The following HBS1L variants were observed in gnomAD, a reference collection of about 807,000 sequenced individuals.
HBS1L encodes the protein HBS1 like translational GTPase.
In HBS1L, 55 loss-of-function variants were observed where a neutral mutation model predicts 88.9. The observed-to-expected ratio is 0.62, with a 90% confidence interval of 0.50 to 0.77. HBS1L has a LOEUF of 0.77. Among genes scored for constraint, HBS1L ranks in the 30% least tolerant of loss-of-function variants. HBS1L has a pLI of 0.00. For missense variants in HBS1L, 741 were observed against 829.3 expected (o/e 0.89, Z 1.31); for synonymous variants, 267 against 288.5 (o/e 0.93, Z 0.76).
chr6:135,016,572 T>C (rs1775928110), intron 4 of HBS1L, among the ~76,000 whole-genome samples: 1 of 152,202 alleles, frequency 6.6e-6, no homozygotes, highest in Admixed American at 6.5e-5. Flanking sequence ...CTATCAACTT[T>C]AAGTCACACA....
chr6:134,973,815 G>A (rs2114755629), intron 15 of HBS1L, among the ~76,000 whole-genome samples: 1 of 150,594 alleles, frequency 6.6e-6, no homozygotes, highest in South Asian at 2.1e-4. Context: ...TAGCCTGGAT[G>A]CCAAAGCGAG....
intron 15 of HBS1L, among the ~76,000 whole-genome samples, chr6:134,972,638 C>T (rs1774522509): frequency 6.6e-6 from 1 of 152,006 alleles, no homozygotes; most frequent in Non-Finnish European, 1.5e-5. Context: ...AAGGACACTA[C>T]CAAGAAAATG....
chr6:135,004,548 G>A (rs906635631), intron 4 of HBS1L, among the ~76,000 whole-genome samples: 3 of 152,118 alleles, frequency 2.0e-5, no homozygotes, highest in African/African-American at 7.2e-5. Flanking sequence ...GGAGAGATGG[G>A]CAGGGCCAGA....
At chr6:135,027,678 G>T (rs553926049) in intron 4 of HBS1L, among the ~76,000 whole-genome samples, 2 of 152,068 alleles carry the variant, frequency 1.3e-5, no homozygotes, top group Non-Finnish European at 2.9e-5. Context: ...AATTTACATG[G>T]CAAAATGTTA....
chr6:135,054,777 G>A lies in HBS1L; in HGVS notation c.-86C>T, dbSNP rs1376605097. 7.3e-6 allele frequency: 11 copies of A among 1,516,328 alleles called. No homozygotes were observed. Among genetic ancestry groups the A allele is most frequent in the Non-Finnish European group, 9.1e-6 (10 of 1,102,664 alleles). The allele number at this position is 1,516,328 out of a possible 1,614,324, so 93.9% of individuals were successfully genotyped here. A position where few individuals can be genotyped will look rare whatever the true frequency, so the allele number is the denominator to read the frequency against. On this transcript the variant is annotated 5_prime_UTR_variant, in exon 1 of 18. Coordinates refer to ENST00000367837, the MANE Select transcript of HBS1L (RefSeq NM_006620.4). ...ACTGATAAGGCGCCAACTGCAGCCTGGAGAACCCCTATGCGCCATCTTGGC... is the reference window on the plus strand; with the variant it reads ...ACTGATAAGGCGCCAACTGCAGCCTAGAGAACCCCTATGCGCCATCTTGGC...
At chr6:135,027,082 T>C (rs1186847405) in intron 4 of HBS1L, 1 of 148,542 alleles carries the variant, frequency 6.7e-6, no homozygotes, top group African/African-American at 2.5e-5. Context: ...ATCCCAGATA[T>C]TCGGGAGACT....
chr6:135,032,682 T>C (rs1776421816), intron 4 of HBS1L, among the ~76,000 whole-genome samples: 1 of 152,188 alleles, frequency 6.6e-6, no homozygotes, highest in African/African-American at 2.4e-5. Context: ...TGAGAACTCA[T>C]TATTCTTCTC....
intron 1 of HBS1L, among the ~76,000 whole-genome samples, chr6:135,053,476 ATC>A (rs1294783999): frequency 6.6e-6 from 1 of 152,184 alleles, no homozygotes; most frequent in Non-Finnish European, 1.5e-5. Context: ...ATTTGCAAAA[ATC>A]TCTCTCAATC....
At chr6:135,048,658 T>G (rs1024758739) in intron 2 of HBS1L, among the ~76,000 whole-genome samples, 12 of 152,242 alleles carry the variant, frequency 7.9e-5, no homozygotes, top group Non-Finnish European at 1.8e-4. Flanking sequence ...ACTACCTTCT[T>G]GATATCCTGG....
chr6:134,998,342 T>G (rs1324041376), intron 5 of HBS1L, among the ~76,000 whole-genome samples: 1 of 152,250 alleles, frequency 6.6e-6, no homozygotes, highest in Non-Finnish European at 1.5e-5. Flanking sequence ...TAACTTATTC[T>G]TTCCTTAACA....
At chr6:135,030,204 G>A (rs1776344875) in intron 4 of HBS1L, among the ~76,000 whole-genome samples, 1 of 152,172 alleles carries the variant, frequency 6.6e-6, no homozygotes, top group Admixed American at 6.5e-5. Flanking sequence ...AAACACAGAG[G>A]ATACAAGTGC....
At chr6:135,027,437 A>T (rs1384120187) in intron 4 of HBS1L, among the ~76,000 whole-genome samples, 1 of 151,994 alleles carries the variant, frequency 6.6e-6, no homozygotes, top group Non-Finnish European at 1.5e-5. Flanking sequence ...ACTCTCTTGG[A>T]CTCTTGGCTT....
At chr6:135,052,777 A>G (rs1296478501) in intron 1 of HBS1L, among the ~76,000 whole-genome samples, 3 of 152,154 alleles carry the variant, frequency 2.0e-5, no homozygotes, top group African/African-American at 7.2e-5. Context: ...TACTTAAAGT[A>G]TGGATTTTGC....
At chr6:135,009,892 C>T (rs74569971) in intron 4 of HBS1L, among the ~76,000 whole-genome samples, 4 of 151,676 alleles carry the variant, frequency 2.6e-5, no homozygotes, top group Non-Finnish European at 5.9e-5. Context: ...GGCCTCCCAA[C>T]GTGCTGGGAT....
intron 4 of HBS1L, among the ~76,000 whole-genome samples, chr6:135,020,662 A>C (rs185196170): frequency 2.6e-5 from 4 of 152,138 alleles, no homozygotes; most frequent in Non-Finnish European, 5.9e-5. Flanking sequence ...CTTTCTGAAG[A>C]AGTGTGCTAA....
chr6:135,003,802 T>A (rs971307446), intron 4 of HBS1L, among the ~76,000 whole-genome samples: 1 of 151,894 alleles, frequency 6.6e-6, no homozygotes, highest in South Asian at 2.1e-4. Flanking sequence ...AAGGTGGAGG[T>A]TGCAGTGAAC....
chr6:135,031,267 T>C (rs1156649548), intron 4 of HBS1L, among the ~76,000 whole-genome samples: 1 of 152,106 alleles, frequency 6.6e-6, no homozygotes, highest in Non-Finnish European at 1.5e-5. Context: ...AACAATGTTA[T>C]GTATTCACTG....
intron 17 of HBS1L, among the ~76,000 whole-genome samples, 159 bp from the exon 18 acceptor site, chr6:134,965,449 A>T (rs1416470269): frequency 6.6e-6 from 1 of 152,190 alleles, no homozygotes; most frequent in East Asian, 1.9e-4. Flanking sequence ...CCATTTCTGC[A>T]ATTTACTATA....
At chr6:134,979,042 T>C in intron 14 of HBS1L, 136 bp downstream of exon 14, 2 of 662,638 alleles carry the variant, frequency 3.0e-6, no homozygotes, top group Non-Finnish European at 5.4e-6. Context: ...TTAAGTAAGT[T>C]TGCTTACATT....
Sources: gnomAD v4.1 joint callset for allele counts (sites outside exome capture counted in the v4.1 genomes callset) on GRCh38, gnomAD v4.1.1 for gene constraint, MANE v1.5 for transcripts, NCBI Gene and HGNC (gene_info 2026-07-23, HGNC 2026-07-21) for gene names.